The following SLC16A12 variants were observed in gnomAD, a reference collection of about 807,000 sequenced individuals.
SLC16A12 encodes the protein solute carrier family 16 member 12.
SLC16A12 carries 17 observed loss-of-function variants against 42.4 expected under a neutral mutation model. The ratio of observed to expected loss-of-function variants is 0.40; its 90% CI spans 0.27 to 0.60. The LOEUF (loss-of-function observed/expected upper bound fraction) is 0.60, where lower values mean the gene tolerates loss of function less well. SLC16A12 is among the 20% of genes least tolerant of loss of function. The pLI is 0.42. For synonymous variants in SLC16A12, 224 were observed against 229.4 expected (o/e 0.98, Z 0.21); for missense variants, 544 against 623.0 (o/e 0.87, Z 1.35).
At chr10:89,537,145 G>GT (rs376769096), upstream of SLC16A12, among the ~76,000 whole-genome samples, 18,759 of 105,082 alleles carry the variant, frequency 0.18, 1,672 homozygotes, top group Admixed American at 0.26. Flanking sequence ...CCGTAGGTAT[G>GT]TTTTTTTTTT....
At chr10:89,485,337 G>C (rs554615047) in intron 2 of SLC16A12, among the ~76,000 whole-genome samples, 2 of 152,202 alleles carry the variant, frequency 1.3e-5, no homozygotes, top group African/African-American at 4.8e-5. Context: ...TATAGACTTA[G>C]AGCAAGAAAC....
intron 2 of SLC16A12, among the ~76,000 whole-genome samples, chr10:89,493,170 C>T (rs547554275): frequency 1.2e-4 from 19 of 152,124 alleles, no homozygotes; most frequent in Admixed American, 1.1e-3. Flanking sequence ...CTAAATCCCA[C>T]CCTTGAGGTT....
chr10:89,484,950 G>A (rs1842724202), intron 2 of SLC16A12, among the ~76,000 whole-genome samples: 2 of 152,084 alleles, frequency 1.3e-5, no homozygotes, highest in Admixed American at 1.3e-4. Context: ...TCATCCCAAG[G>A]AACCAATCCA....
chr10:89,532,823 T>C (rs1168014998), intron 2 of SLC16A12, among the ~76,000 whole-genome samples: 1 of 152,246 alleles, frequency 6.6e-6, no homozygotes, highest in Non-Finnish European at 1.5e-5. Context: ...TCTATGAATA[T>C]GGAGGAAAGT....
intron 2 of SLC16A12, among the ~76,000 whole-genome samples, chr10:89,498,687 C>G (rs1410714295): frequency 2.0e-5 from 3 of 152,084 alleles, no homozygotes; most frequent in Admixed American, 6.6e-5. Context: ...TCAGGAAACC[C>G]GAGAGGACCC....
At chr10:89,446,436 G>A (rs904036812) in intron 3 of SLC16A12, among the ~76,000 whole-genome samples, 2 of 152,218 alleles carry the variant, frequency 1.3e-5, no homozygotes, top group Admixed American at 1.3e-4. Flanking sequence ...AGCCAGAAGA[G>A]AGTGGGGGCC....
At chr10:89,517,578 T>C (rs1354840303) in intron 2 of SLC16A12, among the ~76,000 whole-genome samples, 1 of 152,006 alleles carries the variant, frequency 6.6e-6, no homozygotes, top group Non-Finnish European at 1.5e-5. Context: ...CCCAAACCCC[T>C]GGGGTTTCAA....
At chr10:89,548,472 G>A (rs1564606207) in intron 2 of SLC16A12, among the ~76,000 whole-genome samples, 3 of 152,106 alleles carry the variant, frequency 2.0e-5, no homozygotes, top group African/African-American at 7.2e-5. Flanking sequence ...AGCAGGCCGA[G>A]GACCAGACCT....
chr10:89,501,472 A>G (rs1842990196), intron 2 of SLC16A12, among the ~76,000 whole-genome samples: 1 of 152,220 alleles, frequency 6.6e-6, no homozygotes, highest in Non-Finnish European at 1.5e-5. Context: ...ATAGATCAAC[A>G]GAACAGAATA....
intron 6 of SLC16A12, among the ~76,000 whole-genome samples, chr10:89,436,904 G>GAA (rs201400864): frequency 6.7e-6 from 1 of 148,742 alleles, no homozygotes; most frequent in Non-Finnish European, 1.5e-5. Context: ...AAGAAAGAAA[G>GAA]AAAGAAAGAA....
chr10:89,525,530 T>A (rs1008994303), intron 2 of SLC16A12, among the ~76,000 whole-genome samples: 2 of 152,232 alleles, frequency 1.3e-5, no homozygotes, highest in Non-Finnish European at 2.9e-5. Flanking sequence ...GGGGCTTAAT[T>A]TTGATAAAAT....
intron 7 of SLC16A12, 131 bp from the exon 8 acceptor site, chr10:89,433,457 G>A (rs1331886436): frequency 2.2e-6 from 2 of 927,370 alleles, no homozygotes; most frequent in African/African-American, 1.7e-5. Flanking sequence ...GAAACAAAAA[G>A]AGGTCACCTA....
chr10:89,487,654 A>C (rs944152433), intron 2 of SLC16A12, among the ~76,000 whole-genome samples: 3 of 150,850 alleles, frequency 2.0e-5, no homozygotes, highest in Admixed American at 2.0e-4. Flanking sequence ...TACAAAAAAA[A>C]AAAAAAAATT....
At chr10:89,552,726 G>A (rs1843778861) in intron 2 of SLC16A12, among the ~76,000 whole-genome samples, 1 of 152,120 alleles carries the variant, frequency 6.6e-6, no homozygotes, top group South Asian at 2.1e-4. Flanking sequence ...TGGATAATCG[G>A]CCCTGCCCTA....
intron 2 of SLC16A12, among the ~76,000 whole-genome samples, chr10:89,481,678 AGT>A (rs528666796): frequency 0.013 from 1,925 of 143,862 alleles, 26 homozygotes; most frequent in African/African-American, 0.033. Flanking sequence ...AGAGAGAGAG[AGT>A]GTGTGTGTGT....
At chr10:89,546,679 C>G (rs1327250140) in intron 2 of SLC16A12, among the ~76,000 whole-genome samples, 1 of 152,198 alleles carries the variant, frequency 6.6e-6, no homozygotes, top group Non-Finnish European at 1.5e-5. Flanking sequence ...AATCCCATTA[C>G]TGGGTATATA....
chr10:89,472,238 T>C (rs1358012924), intron 2 of SLC16A12, among the ~76,000 whole-genome samples: 1 of 152,026 alleles, frequency 6.6e-6, no homozygotes, highest in African/African-American at 2.4e-5. Context: ...TCAAAAAATA[T>C]GAAATGCCAA....
intron 2 of SLC16A12, among the ~76,000 whole-genome samples, chr10:89,509,860 A>G (rs1428738303): frequency 2.6e-5 from 4 of 152,314 alleles, no homozygotes; most frequent in East Asian, 3.9e-4. Flanking sequence ...TCAGCCCCAA[A>G]TCTCCTTAAG....
intron 2 of SLC16A12, among the ~76,000 whole-genome samples, chr10:89,472,487 C>CTTTTTTTTTTTTTTTTTTTTTTT (rs71022567): frequency 2.2e-5 from 2 of 89,896 alleles, no homozygotes; most frequent in Admixed American, 1.3e-4. Flanking sequence ...TCTTTTCTTT[C>CTTTTTTTTTTTTTTTTTTTTTTT]TTTTTTTTTT....
Sources: allele counts gnomAD v4.1 joint callset (sites outside exome capture counted in the v4.1 genomes callset), GRCh38; gene constraint gnomAD v4.1.1; transcripts MANE v1.5; gene names NCBI Gene and HGNC (gene_info 2026-07-23, HGNC 2026-07-21).